CCDC141: variants seen among roughly 807,000 people sequenced by gnomAD.
CCDC141 encodes coiled-coil domain containing 141.
CCDC141 carries 168 observed loss-of-function variants against 181.0 expected under a neutral mutation model. The observed-to-expected ratio is 0.93, with a 90% CI of 0.82 to 1.05. The LOEUF is 1.05. Among genes scored for constraint, CCDC141 ranks in the 50% least tolerant of loss-of-function variants. The pLI is 0.00. For synonymous variants in CCDC141, 666 were observed against 642.3 expected, an observed-to-expected ratio of 1.04 and a Z score of -0.56; for missense variants, 1,902 against 1,788.5, an observed-to-expected ratio of 1.06 and a Z score of -1.14.
At chr2:179,001,209 A>G (rs972203520) in intron 2 of CCDC141, among the ~76,000 whole-genome samples, 1 of 152,244 alleles carries the variant, frequency 6.6e-6, no homozygotes, top group Non-Finnish European at 1.5e-5. Context: ...AGCATATATT[A>G]AATATTTTTA....
intron 2 of CCDC141, among the ~76,000 whole-genome samples, chr2:179,028,850 C>T (rs1456563189): frequency 6.6e-6 from 1 of 152,028 alleles, no homozygotes; most frequent in Non-Finnish European, 1.5e-5. Context: ...ATTTTAACTC[C>T]CCAAATTTCC....
intron 2 of CCDC141, among the ~76,000 whole-genome samples, chr2:179,015,054 TGA>T (rs1269057226): frequency 2.2e-5 from 2 of 92,504 alleles, no homozygotes; most frequent in African/African-American, 1.1e-4. Flanking sequence ...GGATAAACTG[TGA>T]GAGAGACAGA....
At chr2:178,864,467 C>T (rs934136946) in intron 17 of CCDC141, among the ~76,000 whole-genome samples, 4 of 152,206 alleles carry the variant, frequency 2.6e-5, no homozygotes, top group Non-Finnish European at 5.9e-5. Flanking sequence ...GGTTCAACCC[C>T]GAAGAGTCGA....
chr2:178,827,981 C>T, downstream of CCDC141, among the ~76,000 whole-genome samples: 1 of 152,088 alleles, frequency 6.6e-6, no homozygotes, highest in East Asian at 1.9e-4. Flanking sequence ...TGCACCTTGG[C>T]TTATAGCAGC....
intron 8 of CCDC141, among the ~76,000 whole-genome samples, chr2:178,892,040 A>G (rs1687180100): frequency 6.6e-6 from 1 of 152,186 alleles, no homozygotes; most frequent in South Asian, 2.1e-4. Flanking sequence ...TGAGAAGAAC[A>G]TATGCGCAGT....
intron 19 of CCDC141, 119 bp from the exon 20 acceptor site, chr2:178,853,743 A>G (rs1397690973): frequency 2.7e-6 from 2 of 750,994 alleles, no homozygotes; most frequent in African/African-American, 3.5e-5. Context: ...ATTGGCTTGA[A>G]CTTTCTAAGT....
chr2:178,982,627 G>C (rs1288814404), intron 2 of CCDC141, among the ~76,000 whole-genome samples: 1 of 132,016 alleles, frequency 7.6e-6, no homozygotes, highest in Admixed American at 8.4e-5. Context: ...GCGAACCGAA[G>C]CAGAGCGAGG....
In CCDC141 at chr2:178,961,451, T is replaced by C. The variant is rs1412208720; in HGVS notation, c.559A>G (p.Lys187Glu). 1 of 1,550,334 alleles carries C rather than the reference T, an allele frequency of 6.5e-7. No individual in the cohort carries two copies. Among genetic ancestry groups the C allele is most frequent in the Non-Finnish European group, 8.7e-7 (1 of 1,146,784 alleles). ...ATGAAGTCAGTGAGTTGTTGACTTTTGTTTAAAAGGGCTAAAGACCGTTCC... is the reference window on the plus strand; with the variant it reads ...ATGAAGTCAGTGAGTTGTTGACTTTCGTTTAAAAGGGCTAAAGACCGTTCC... ...LLERSLALLN[K>E]SQQLTDFIEK... Residue 187 changes from lysine to glutamate, a missense_variant, in exon 5 of 24, where the codon AAA (lysine) becomes GAA (glutamate). Lys to Glu is a moderately conservative substitution (Grantham distance 56). Coordinates refer to ENST00000443758, the MANE Select transcript of CCDC141 (RefSeq NM_173648.4).
At chr2:178,885,174 C>T in intron 10 of CCDC141, 82 bp from the exon 11 acceptor site, 1 of 850,318 alleles carries the variant, frequency 1.2e-6, no homozygotes, top group Non-Finnish European at 1.8e-6. Context: ...GCATATCCAC[C>T]AATTATGATC....
intron 22 of CCDC141, among the ~76,000 whole-genome samples, chr2:178,842,232 T>G (rs1033684251): frequency 1.3e-5 from 2 of 152,200 alleles, no homozygotes; most frequent in African/African-American, 4.8e-5. Flanking sequence ...CTCAATCTGC[T>G]TTTCTTATAT....
At chr2:179,007,591 G>A (rs983614009) in intron 2 of CCDC141, among the ~76,000 whole-genome samples, 7 of 152,050 alleles carry the variant, frequency 4.6e-5, no homozygotes, top group Admixed American at 1.3e-4. Flanking sequence ...GACACAAAAT[G>A]TCTAAATGAG....
At chr2:178,864,610 A>G (rs1685765954) in intron 17 of CCDC141, among the ~76,000 whole-genome samples, 1 of 152,106 alleles carries the variant, frequency 6.6e-6, no homozygotes, top group East Asian at 1.9e-4. Context: ...AACAGAATCC[A>G]AGTAGCCACT....
intron 2 of CCDC141, among the ~76,000 whole-genome samples, chr2:179,033,888 T>G (rs1400108099): frequency 6.6e-6 from 1 of 152,210 alleles, no homozygotes; most frequent in East Asian, 1.9e-4. Flanking sequence ...AACACTGGCT[T>G]AAACTTCTGA....
chr2:178,905,257 A>C (rs1425416038), intron 8 of CCDC141, 72 bp downstream of exon 8: 3 of 1,316,554 alleles, frequency 2.3e-6, no homozygotes, highest in South Asian at 1.5e-5. Flanking sequence ...ACAATCATGC[A>C]TCTTATTTTT....
intron 4 of CCDC141, among the ~76,000 whole-genome samples, chr2:178,966,730 C>CA (rs901126940): frequency 2.0e-4 from 30 of 152,072 alleles, no homozygotes; most frequent in Admixed American, 3.3e-4. Context: ...AGCAAGGGAA[C>CA]AAAACTGGAC....
chr2:179,028,347 C>T (rs958426470), intron 2 of CCDC141, among the ~76,000 whole-genome samples: 2 of 152,196 alleles, frequency 1.3e-5, no homozygotes, highest in Admixed American at 6.5e-5. Flanking sequence ...TTCCTGAACC[C>T]TCATCTCTCC....
rs180914220 is a variant in CCDC141, at chr2:178,986,513, G to C, written c.226-7838C>G. Reference sequence around the variant, plus strand: ...AATAAAGGGTATTCAATCAGGAAAAGGGGAAGTCAAATTGTCCCTGTTTGC... The same window carrying C: ...AATAAAGGGTATTCAATCAGGAAAACGGGAAGTCAAATTGTCCCTGTTTGC... On this transcript the variant is annotated intron_variant, in intron 2 of 23. Transcript: ENST00000443758. Among the ~76,000 whole-genome samples the C allele has an allele frequency of 2.7e-3, 410 of 152,292 alleles. 1 individual carries two copies. The highest frequency in any genetic ancestry group is 8.7e-3 in the African/African-American group (361 of 41,542).
chr2:179,014,252 C>A (rs942088649), intron 2 of CCDC141, among the ~76,000 whole-genome samples: 1 of 152,176 alleles, frequency 6.6e-6, no homozygotes, highest in South Asian at 2.1e-4. Context: ...TCATCTCTCA[C>A]CTTATACAAA....
At chr2:179,014,258 AC>A (rs1453616213) in intron 2 of CCDC141, among the ~76,000 whole-genome samples, 1 of 152,160 alleles carries the variant, frequency 6.6e-6, no homozygotes, top group Admixed American at 6.5e-5. Flanking sequence ...CTCACCTTAT[AC>A]AAAAACCAAC....
Sources: allele counts gnomAD v4.1 joint callset (sites outside exome capture counted in the v4.1 genomes callset), GRCh38; gene constraint gnomAD v4.1.1; transcripts MANE v1.5; gene names NCBI Gene and HGNC (gene_info 2026-07-23, HGNC 2026-07-21).